MSRA: variants seen among roughly 807,000 people sequenced by gnomAD.
MSRA encodes the protein mitochondrial peptide methionine sulfoxide reductase.
In MSRA, 54 loss-of-function variants were observed where a neutral mutation model predicts 31.3. That is an observed-to-expected ratio of 1.73 (90% CI 1.39 to 2.17). The LOEUF (loss-of-function observed/expected upper bound fraction) is 2.17. Ranked by LOEUF, MSRA falls within the 30% of genes most tolerant of loss-of-function variation. The pLI is 0.00. For missense variants in MSRA, 507 were observed against 300.9 expected, an observed-to-expected ratio of 1.69 and a Z score of -5.07; for synonymous variants, 169 against 116.5, an observed-to-expected ratio of 1.45 and a Z score of -2.90.
intron 5 of MSRA, among the ~76,000 whole-genome samples, chr8:10,373,250 GTACTGTTTTTACTGACATTTTTCCA>G (rs1302515376): frequency 1.5e-4 from 23 of 152,348 alleles, no homozygotes; most frequent in East Asian, 1.4e-3. Flanking sequence ...CATGAAATAG[GTACTGTTTTTACTGACATTTTTCCA>G]AATAGTCAAC....
intron 1 of MSRA, among the ~76,000 whole-genome samples, chr8:10,165,064 C>T (rs1805002409): frequency 6.6e-6 from 1 of 152,008 alleles, no homozygotes; most frequent in African/African-American, 2.4e-5. Context: ...CATCCTAGAC[C>T]AATTAAATCA....
intron 1 of MSRA, among the ~76,000 whole-genome samples, chr8:10,140,045 G>T (rs769480294): frequency 1.3e-5 from 2 of 152,212 alleles, no homozygotes; most frequent in African/African-American, 2.4e-5. Flanking sequence ...GGAGCCTTCC[G>T]AAATGAAGAG....
At chr8:10,083,676 C>T (rs1023146106) in intron 1 of MSRA, among the ~76,000 whole-genome samples, 3 of 152,016 alleles carry the variant, frequency 2.0e-5, no homozygotes, top group Non-Finnish European at 4.4e-5. Context: ...AAATTTTATT[C>T]AAAGAGGTTT....
intron 1 of MSRA, among the ~76,000 whole-genome samples, chr8:10,179,377 G>T (rs1483214862): frequency 6.6e-6 from 1 of 152,172 alleles, no homozygotes; most frequent in Admixed American, 6.5e-5. Context: ...CATCTTTCCA[G>T]TAAAGGGGTG....
At chr8:10,420,142 A>G (rs961190933) in intron 5 of MSRA, among the ~76,000 whole-genome samples, 8 of 152,182 alleles carry the variant, frequency 5.3e-5, no homozygotes, top group Non-Finnish European at 1.2e-4. Context: ...CACCTCCTGG[A>G]GGAAGCTTGA....
At chr8:10,226,837 C>G (rs954959671) in intron 2 of MSRA, among the ~76,000 whole-genome samples, 1 of 152,210 alleles carries the variant, frequency 6.6e-6, no homozygotes, top group Admixed American at 6.5e-5. Flanking sequence ...CCTGCCTGAT[C>G]TCAGCCTTGC....
chr8:10,391,948 T>A (rs1482616044), intron 5 of MSRA, among the ~76,000 whole-genome samples: 1 of 152,210 alleles, frequency 6.6e-6, no homozygotes, highest in East Asian at 1.9e-4. Context: ...GGATGGAACA[T>A]GTCTCTAAAT....
At chr8:10,183,350 G>C in intron 1 of MSRA, among the ~76,000 whole-genome samples, 1 of 152,256 alleles carries the variant, frequency 6.6e-6, no homozygotes, top group Non-Finnish European at 1.5e-5. Flanking sequence ...TACGGCCTCT[G>C]TTTGCCAGGG....
At chr8:10,100,324 G>A (rs1026196429) in intron 1 of MSRA, among the ~76,000 whole-genome samples, 9 of 152,134 alleles carry the variant, frequency 5.9e-5, no homozygotes, top group African/African-American at 1.9e-4. Context: ...TGTCCAAGGC[G>A]GTGAGGGGCT....
intron 1 of MSRA, among the ~76,000 whole-genome samples, chr8:10,118,318 C>T (rs931028182): frequency 2.6e-5 from 4 of 152,092 alleles, no homozygotes; most frequent in African/African-American, 4.8e-5. Context: ...TAGCTGCGTG[C>T]AGTGAACCAT....
At chr8:10,415,304 G>A (rs886299000) in intron 5 of MSRA, among the ~76,000 whole-genome samples, 12 of 152,296 alleles carry the variant, frequency 7.9e-5, no homozygotes, top group South Asian at 2.1e-4. Context: ...GTGGGGAGGT[G>A]AAGGACGACA....
At chr8:10,335,097 C>G (rs528039540) in intron 5 of MSRA, among the ~76,000 whole-genome samples, 206 of 152,324 alleles carry the variant, frequency 1.4e-3, no homozygotes, top group African/African-American at 4.8e-3. Context: ...AGGGACCGCC[C>G]CCCGCACCGT....
intron 2 of MSRA, among the ~76,000 whole-genome samples, chr8:10,226,562 C>G (rs1381891501): frequency 6.6e-6 from 1 of 152,174 alleles, no homozygotes; most frequent in Non-Finnish European, 1.5e-5. Context: ...ATCTCCTACC[C>G]ACTCTAGTAG....
intron 3 of MSRA, among the ~76,000 whole-genome samples, chr8:10,300,757 G>A (rs1386643307): frequency 2.0e-5 from 3 of 152,094 alleles, no homozygotes; most frequent in African/African-American, 7.2e-5. Context: ...AGTGATCTTA[G>A]TATGGAGGGA....
chr8:10,335,009 C>T (rs543596174), intron 5 of MSRA, among the ~76,000 whole-genome samples: 2 of 152,094 alleles, frequency 1.3e-5, no homozygotes, highest in African/African-American at 2.4e-5. Flanking sequence ...CTCTCGTGTC[C>T]TTAGGTCTAG....
chr8:10,340,369 G>A (rs578126354), intron 5 of MSRA, among the ~76,000 whole-genome samples: 1 of 152,308 alleles, frequency 6.6e-6, no homozygotes, highest in South Asian at 2.1e-4. Context: ...CAAATTAGGA[G>A]TTATTATCTA....
At chr8:10,137,927 C>G (rs1239680859) in intron 1 of MSRA, among the ~76,000 whole-genome samples, 3 of 152,150 alleles carry the variant, frequency 2.0e-5, no homozygotes, top group Admixed American at 6.5e-5. Flanking sequence ...GGCATTATCT[C>G]TAGTGTCTGT....
chr8:10,243,698 A>G (rs532143507), intron 2 of MSRA, among the ~76,000 whole-genome samples: 1 of 152,294 alleles, frequency 6.6e-6, no homozygotes, highest in Non-Finnish European at 1.5e-5. Flanking sequence ...AGTAGTGGTT[A>G]TTATCACTTT....
chr8:10,288,005 C>G (rs1268097756), intron 3 of MSRA, among the ~76,000 whole-genome samples: 1 of 152,056 alleles, frequency 6.6e-6, no homozygotes, highest in Non-Finnish European at 1.5e-5. Context: ...AGAGAGTGCT[C>G]AGAGCTCATG....
Sources: allele counts gnomAD v4.1 joint callset (sites outside exome capture counted in the v4.1 genomes callset), GRCh38; gene constraint gnomAD v4.1.1; transcripts MANE v1.5; gene names NCBI Gene and HGNC (gene_info 2026-07-23, HGNC 2026-07-21).